KLF8: variants seen among roughly 807,000 people sequenced by gnomAD.
KLF8 encodes KLF transcription factor 8.
In KLF8, 10 loss-of-function variants were observed where a neutral mutation model predicts 18.2. That is an observed-to-expected ratio of 0.55 (90% CI 0.34 to 0.93). The LOEUF (loss-of-function observed/expected upper bound fraction) is 0.93. KLF8 is among the 40% of genes least tolerant of loss of function. The pLI, the probability that KLF8 is intolerant of heterozygous loss-of-function variation, is 0.02. For synonymous variants in KLF8, 109 were observed against 97.3 expected (o/e 1.12, Z -0.71); for missense variants, 264 against 277.9 (o/e 0.95, Z 0.36).
chrX:56,113,226 G>A, the KLF8 span, among the ~76,000 whole-genome samples: 2 of 107,093 alleles, frequency 1.9e-5, no homozygotes, highest in South Asian at 8.0e-4. Context: ...GACAGTCTTT[G>A]TCTAGGAAGT....
rs1014229458 is a variant in KLF8, at chrX:56,284,780, G to C, written c.*286G>C. On this transcript the variant is annotated 3_prime_UTR_variant, in exon 6 of 6. Coordinates refer to ENST00000468660, the MANE Select transcript of KLF8 (RefSeq NM_007250.5). ...CCCATCCCCCCCTGCTCTGAAATAGGACATTTTTCCTACAGTAACAAAACA... is the reference window on the plus strand; with the variant it reads ...CCCATCCCCCCCTGCTCTGAAATAGCACATTTTTCCTACAGTAACAAAACA... 1 of 251,841 alleles carries C rather than the reference G, an allele frequency of 4.0e-6. No individual in the cohort carries two copies. The highest frequency in any genetic ancestry group is 7.0e-6 in the Non-Finnish European group (1 of 142,865). 20.8% of individuals were successfully genotyped at this position (251,841 alleles called of 1,213,427 possible).
At chrX:56,081,739 A>G in the KLF8 span, among the ~76,000 whole-genome samples, 3 of 111,937 alleles carry the variant, frequency 2.7e-5, no homozygotes, top group African/African-American at 6.5e-5. Flanking sequence ...TCCTGATTCT[A>G]TTAATGTGAT....
chrX:55,975,924 A>T, the KLF8 span, among the ~76,000 whole-genome samples: 1 of 111,416 alleles, frequency 9.0e-6, no homozygotes, highest in Non-Finnish European at 1.9e-5. Context: ...AGCCTGACCA[A>T]CGTGGAGAAA....
the KLF8 span, among the ~76,000 whole-genome samples, chrX:55,996,926 G>A: frequency 8.9e-6 from 1 of 112,245 alleles, no homozygotes; most frequent in African/African-American, 3.2e-5. Context: ...GTGGGGCAGG[G>A]CAGTCATGGT....
chrX:55,995,354 C>T, the KLF8 span, among the ~76,000 whole-genome samples: 1 of 112,258 alleles, frequency 8.9e-6, no homozygotes, highest in African/African-American at 3.2e-5. Context: ...TACTCTCTGC[C>T]TTTGAGTTGG....
the KLF8 span, among the ~76,000 whole-genome samples, chrX:56,081,496 C>G: frequency 8.9e-6 from 1 of 112,022 alleles, no homozygotes; most frequent in Admixed American, 9.5e-5. Context: ...ATTGCTCCAG[C>G]TAAAACTTTC....
chrX:55,924,817 G>A, the KLF8 span, among the ~76,000 whole-genome samples: 1 of 88,454 alleles, frequency 1.1e-5, no homozygotes, highest in East Asian at 3.2e-4. Flanking sequence ...TGGTTTCGTG[G>A]TGGTTTTTTT....
chrX:56,224,292 G>A, the KLF8 span, among the ~76,000 whole-genome samples: 2 of 111,280 alleles, frequency 1.8e-5, no homozygotes, highest in African/African-American at 3.3e-5. Flanking sequence ...CTAGGTAAAT[G>A]AACAGTATGA....
At chrX:55,984,667 T>A in the KLF8 span, among the ~76,000 whole-genome samples, 1 of 111,582 alleles carries the variant, frequency 9.0e-6, no homozygotes, top group African/African-American at 3.3e-5. Context: ...GTCAAAATGG[T>A]ATTTCTGCTT....
the KLF8 span, among the ~76,000 whole-genome samples, chrX:56,153,210 C>T: frequency 3.6e-5 from 4 of 110,378 alleles, no homozygotes; most frequent in Non-Finnish European, 5.7e-5. Flanking sequence ...TTAAGAGTAA[C>T]GTTACCTGGG....
chrX:56,270,413 A>G, intron 5 of KLF8, 92 bp downstream of exon 5: 1 of 999,608 alleles, frequency 1.0e-6, no homozygotes, highest in Non-Finnish European at 1.3e-6. Context: ...GCAGAGAGAG[A>G]GAGAGAGAGG....
At chrX:55,983,713 G>A in the KLF8 span, among the ~76,000 whole-genome samples, 1 of 111,130 alleles carries the variant, frequency 9.0e-6, no homozygotes, top group African/African-American at 3.3e-5. Context: ...GGCTTTTTGT[G>A]TACCTGTCAA....
At position 56,270,381 on chromosome X, in the gene KLF8, C is replaced by CACACACAT. The variant is rs1355621837; in HGVS notation, c.898+60_898+61insACACACAT. 5.1e-6 allele frequency: 4 copies of CACACACAT among 779,216 alleles called. 1 individual carries two copies. The East Asian group carries it at 1.3e-4, about 26-fold the overall frequency. 64.2% of individuals were successfully genotyped at this position (779,216 alleles called of 1,213,427 possible). A position where few individuals can be genotyped will look rare whatever the true frequency, so the allele number is the denominator to read the frequency against. ...ACACACACACACACACACACACACA[C>CACACACAT]GAGAGAGAGAGAGAGAGAGGGGCAG... On this transcript the variant is annotated intron_variant, in intron 5 of 5. Transcript: ENST00000468660.
chrX:56,263,414 C>A (rs944139505), intron 2 of KLF8, among the ~76,000 whole-genome samples: 12 of 111,658 alleles, frequency 1.1e-4, no homozygotes, highest in African/African-American at 3.3e-4. Flanking sequence ...AGATGGCAGT[C>A]TGGCCAAATT....
At chrX:56,258,184 G>A (rs1448233980) in intron 2 of KLF8, among the ~76,000 whole-genome samples, 1 of 112,668 alleles carries the variant, frequency 8.9e-6, no homozygotes, top group East Asian at 2.8e-4. Context: ...AGAGGAAGCT[G>A]AGTATAAGTA....
chrX:56,237,389 TTA>T (rs1037181896), intron 1 of KLF8, among the ~76,000 whole-genome samples: 11 of 108,601 alleles, frequency 1.0e-4, no homozygotes, highest in Non-Finnish European at 1.1e-4. Flanking sequence ...GTAGTTTCTA[TTA>T]TATATATATG....
the KLF8 span, among the ~76,000 whole-genome samples, chrX:56,034,998 G>A: frequency 1.1e-4 from 12 of 109,458 alleles, no homozygotes; most frequent in Admixed American, 3.9e-4. Context: ...CTCGTGATCC[G>A]CCCGCCTCGG....
chrX:56,210,569 A>T, the KLF8 span, among the ~76,000 whole-genome samples: 2 of 111,072 alleles, frequency 1.8e-5, no homozygotes, highest in Admixed American at 9.6e-5. Flanking sequence ...ATACTTGGAT[A>T]TTGAGATCTT....
At position 56,248,664 on chromosome X, in the gene KLF8, A is replaced by C. The variant is rs144254957; in HGVS notation, c.8-1567A>C. On this transcript the variant is annotated intron_variant, in intron 1 of 5. Transcript: ENST00000468660. Reference sequence around the variant, plus strand: ...ACGCATGGTTCTGGCAGCAACAAAGAAAGCTCTCCTGGCGTTTTGGTGCCC... The same window carrying C: ...ACGCATGGTTCTGGCAGCAACAAAGCAAGCTCTCCTGGCGTTTTGGTGCCC... Among the ~76,000 whole-genome samples the C allele has an allele frequency of 4.1e-4, 46 of 111,717 alleles. No homozygotes were observed. In the East Asian group the frequency reaches 0.013, roughly 31 times the overall value.
Sources: allele counts gnomAD v4.1 joint callset (sites outside exome capture counted in the v4.1 genomes callset), GRCh38; gene constraint gnomAD v4.1.1; transcripts MANE v1.5; gene names NCBI Gene and HGNC (gene_info 2026-07-23, HGNC 2026-07-21).